AUTS2: variants seen among roughly 807,000 people sequenced by gnomAD.
AUTS2 encodes the protein activator of transcription and developmental regulator AUTS2.
AUTS2 carries 17 observed loss-of-function variants against 112.4 expected under a neutral mutation model. The ratio of observed to expected loss-of-function variants is 0.15; its 90% CI spans 0.10 to 0.23. AUTS2 has a LOEUF of 0.23. Among genes scored for constraint, AUTS2 ranks in the 10% least tolerant of loss-of-function variants. The probability of loss-of-function intolerance (pLI) is 1.00; values close to 1 mark genes in which losing one functional copy is unlikely to be tolerated. For missense variants in AUTS2, 1,510 were observed against 1,701.6 expected, an observed-to-expected ratio of 0.89 and a Z score of 1.98; for synonymous variants, 751 against 702.7, an observed-to-expected ratio of 1.07 and a Z score of -1.09.
At chr7:70,383,309 A>G (rs34944443) in intron 4 of AUTS2, among the ~76,000 whole-genome samples, 9,787 of 152,178 alleles carry the variant, frequency 0.064, 375 homozygotes, top group African/African-American at 0.1. Context: ...TTATCACTCC[A>G]TGCGGTTTGG....
chr7:70,320,020 A>G (rs1790179375), intron 4 of AUTS2, among the ~76,000 whole-genome samples: 3 of 152,238 alleles, frequency 2.0e-5, no homozygotes, highest in Admixed American at 2.0e-4. Flanking sequence ...GTCCCTGAGC[A>G]CTTTAATCAT....
At chr7:69,765,295 T>C (rs960253323) in intron 1 of AUTS2, among the ~76,000 whole-genome samples, 2 of 152,194 alleles carry the variant, frequency 1.3e-5, no homozygotes, top group Non-Finnish European at 2.9e-5. Flanking sequence ...CAGGACACAT[T>C]GGACATGGTA....
chr7:70,540,571 G>A (rs1312270718), intron 5 of AUTS2, among the ~76,000 whole-genome samples: 1 of 152,168 alleles, frequency 6.6e-6, no homozygotes, highest in East Asian at 1.9e-4. Flanking sequence ...AGCCTTCCTG[G>A]AGGTTGAAGA....
chr7:70,576,022 G>A (rs1000954704), intron 5 of AUTS2, among the ~76,000 whole-genome samples: 2 of 152,196 alleles, frequency 1.3e-5, no homozygotes, highest in Non-Finnish European at 2.9e-5. Flanking sequence ...GTGCTTCATG[G>A]ATTTGAGGAC....
At chr7:69,947,819 T>C (rs1796875250) in intron 2 of AUTS2, among the ~76,000 whole-genome samples, 1 of 152,184 alleles carries the variant, frequency 6.6e-6, no homozygotes, top group Non-Finnish European at 1.5e-5. Context: ...CACTGTATAT[T>C]TGGATTATCT....
chr7:69,830,277 A>T (rs1791441909), intron 1 of AUTS2, among the ~76,000 whole-genome samples: 1 of 152,124 alleles, frequency 6.6e-6, no homozygotes, highest in South Asian at 2.1e-4. Flanking sequence ...CAAATAGCTA[A>T]TGCATGCAGG....
At chr7:69,949,259 A>G (rs1796935947) in intron 2 of AUTS2, among the ~76,000 whole-genome samples, 1 of 152,216 alleles carries the variant, frequency 6.6e-6, no homozygotes, top group South Asian at 2.1e-4. Flanking sequence ...CAAATGGAAA[A>G]TGCCTGCAAG....
intron 2 of AUTS2, among the ~76,000 whole-genome samples, chr7:69,959,083 C>T (rs1241677367): frequency 1.3e-5 from 2 of 152,168 alleles, no homozygotes; most frequent in Non-Finnish European, 2.9e-5. Context: ...TCTGGACCCT[C>T]AAGTGATCAG....
At chr7:69,666,654 C>G (rs1375304141) in intron 1 of AUTS2, among the ~76,000 whole-genome samples, 1 of 152,144 alleles carries the variant, frequency 6.6e-6, no homozygotes, top group South Asian at 2.1e-4. Flanking sequence ...GTAATCCCAA[C>G]ACTTTGAGAG....
Position 70,787,264 on chromosome 7 carries a change from C to T in AUTS2, c.2364C>T (p.Asn788=), listed in dbSNP as rs760502563. The change falls in exon 18 of 19, where the codon AAC becomes AAT. Residue 788 remains asparagine (N), a synonymous_variant. Transcript: ENST00000342771. ...GCCCCAGTGTGCAGAACTTTAGCAA[C>T]CCTCACGAACCCTGGAACCGGCTGC... ...KDGPSVQNFS[N]PHEPWNRLHR... is the part of the protein sequence containing the mutation. 1.9e-6 allele frequency: 3 copies of T among 1,614,220 alleles called. No individual in the cohort carries two copies. The highest frequency in any genetic ancestry group is 1.1e-5 in the South Asian group (1 of 91,088).
rs941794608 is a variant in AUTS2 at position 70,692,759 on chromosome 7, C to T, written c.691-5810C>T. On this transcript the variant is annotated intron_variant, in intron 5 of 18. Coordinates refer to ENST00000342771, the MANE Select transcript of AUTS2 (RefSeq NM_015570.4). Reference sequence around the variant, plus strand: ...GAAGTATGCCATACAGCAAGCACCCCCACCTTTTTTTTTTTTTTTTAACTT... The same window carrying T: ...GAAGTATGCCATACAGCAAGCACCCTCACCTTTTTTTTTTTTTTTTAACTT... Among the ~76,000 whole-genome samples the T allele has an allele frequency of 4.6e-4, 39 of 84,506 alleles. No homozygotes were observed. The East Asian group carries it at 0.011, about 24-fold the overall frequency. The allele number at this position is 84,506 out of a possible 152,430, so 55.4% of individuals were successfully genotyped here. A position where few individuals can be genotyped will look rare whatever the true frequency, so the allele number is the denominator to read the frequency against.
chr7:70,170,257 T>C (rs1218687204), intron 4 of AUTS2, among the ~76,000 whole-genome samples: 1 of 149,284 alleles, frequency 6.7e-6, no homozygotes, highest in Non-Finnish European at 1.5e-5. Context: ...CCTCCTGGGC[T>C]CAAGCGATCC....
At chr7:70,584,465 T>C (rs1399032867) in intron 5 of AUTS2, among the ~76,000 whole-genome samples, 1 of 152,262 alleles carries the variant, frequency 6.6e-6, no homozygotes, top group Non-Finnish European at 1.5e-5. Context: ...ATAAGTTCTG[T>C]GTTTTAATTT....
At chr7:70,593,453 G>A (rs1317875602) in intron 5 of AUTS2, among the ~76,000 whole-genome samples, 2 of 152,052 alleles carry the variant, frequency 1.3e-5, no homozygotes, top group East Asian at 1.9e-4. Flanking sequence ...CACTCCCTTT[G>A]GTTTCCCCTC....
At chr7:70,498,405 G>A (rs1798643616) in intron 5 of AUTS2, among the ~76,000 whole-genome samples, 1 of 152,170 alleles carries the variant, frequency 6.6e-6, no homozygotes, top group Non-Finnish European at 1.5e-5. Context: ...CATTACCTAT[G>A]TGGAAAAAAG....
intron 4 of AUTS2, among the ~76,000 whole-genome samples, chr7:70,327,333 G>A (rs904909064): frequency 6.6e-6 from 1 of 152,180 alleles, no homozygotes; most frequent in African/African-American, 2.4e-5. Context: ...TGTCTAAAGG[G>A]CAGTAGCTTC....
intron 1 of AUTS2, among the ~76,000 whole-genome samples, chr7:69,800,805 C>G (rs1045950843): frequency 1.3e-5 from 2 of 152,178 alleles, no homozygotes; most frequent in Admixed American, 1.3e-4. Flanking sequence ...CCCAGCCCCT[C>G]CCTGCACTGT....
chr7:69,884,505 T>G (rs372474412), intron 1 of AUTS2, among the ~76,000 whole-genome samples: 6 of 152,240 alleles, frequency 3.9e-5, no homozygotes, highest in Admixed American at 1.3e-4. Context: ...TACCCTGTAA[T>G]CATGTCTCTA....
intron 4 of AUTS2, among the ~76,000 whole-genome samples, chr7:70,308,108 G>T (rs1789569539): frequency 6.6e-6 from 1 of 152,200 alleles, no homozygotes; most frequent in African/African-American, 2.4e-5. Context: ...TGCTAATCTT[G>T]CCAAGCTTTG....
Sources: gnomAD v4.1 joint callset for allele counts (sites outside exome capture counted in the v4.1 genomes callset) on GRCh38, gnomAD v4.1.1 for gene constraint, MANE v1.5 for transcripts, NCBI Gene and HGNC (gene_info 2026-07-23, HGNC 2026-07-21) for gene names.